DACH2: variants seen among roughly 807,000 people sequenced by gnomAD.
The protein encoded by DACH2 is dachshund family transcription factor 2.
DACH2 carries 17 observed loss-of-function variants against 35.8 expected under a neutral mutation model. The observed-to-expected ratio is 0.48, with a 90% CI of 0.33 to 0.71. DACH2 has a LOEUF of 0.71. Among genes scored for constraint, DACH2 ranks in the 30% least tolerant of loss-of-function variants. The probability of loss-of-function intolerance (pLI) is 0.02; values close to 1 mark genes in which losing one functional copy is unlikely to be tolerated. For synonymous variants in DACH2, 195 were observed against 177.3 expected, an observed-to-expected ratio of 1.10 and a Z score of -0.79; for missense variants, 469 against 472.7, an observed-to-expected ratio of 0.99 and a Z score of 0.07.
chrX:86,543,974 T>G (rs1195097682), intron 3 of DACH2, among the ~76,000 whole-genome samples: 1 of 110,326 alleles, frequency 9.1e-6, no homozygotes, highest in Admixed American at 9.7e-5. Flanking sequence ...ACCCTAAAAC[T>G]TAAAGTATAA....
chrX:86,656,464 C>G (rs915493608), intron 4 of DACH2, among the ~76,000 whole-genome samples: 6 of 110,522 alleles, frequency 5.4e-5, no homozygotes, highest in African/African-American at 2.0e-4. Flanking sequence ...TTGATCTTTC[C>G]ACCATAACAT....
At chrX:86,225,881 G>T (rs748747701) in intron 1 of DACH2, among the ~76,000 whole-genome samples, 3 of 111,552 alleles carry the variant, frequency 2.7e-5, no homozygotes, top group Non-Finnish European at 5.7e-5. Flanking sequence ...TGAATGCCAT[G>T]ATGGCCAAAT....
chrX:86,166,024 G>A (rs898249948), intron 1 of DACH2, among the ~76,000 whole-genome samples: 3 of 111,443 alleles, frequency 2.7e-5, no homozygotes, highest in Non-Finnish European at 3.8e-5. Context: ...GTGAGACATA[G>A]GAATCTAGTT....
At chrX:86,554,054 T>C (rs2039085776) in intron 3 of DACH2, among the ~76,000 whole-genome samples, 1 of 111,245 alleles carries the variant, frequency 9.0e-6, no homozygotes, top group Non-Finnish European at 1.9e-5. Context: ...TGTGTGTGTA[T>C]GGCATAATAT....
intron 1 of DACH2, among the ~76,000 whole-genome samples, chrX:86,336,021 C>T (rs2035302641): frequency 1.8e-5 from 2 of 111,808 alleles, no homozygotes; most frequent in South Asian, 7.4e-4. Flanking sequence ...TGGTTTTTGT[C>T]ATTGGTCCTG....
chrX:86,764,521 C>T (rs771131459), intron 7 of DACH2, among the ~76,000 whole-genome samples: 212 of 111,759 alleles, frequency 1.9e-3, no homozygotes, highest in African/African-American at 6.6e-3. Context: ...AGGATAATTG[C>T]TCCCAGCTCT....
chrX:86,554,180 T>C (rs1398552236), intron 3 of DACH2, among the ~76,000 whole-genome samples: 1 of 111,481 alleles, frequency 9.0e-6, no homozygotes, highest in Non-Finnish European at 1.9e-5. Flanking sequence ...TTTAGTTGGA[T>C]TTTGTATGGC....
intron 4 of DACH2, among the ~76,000 whole-genome samples, chrX:86,676,540 A>G (rs190534986): frequency 9.0e-4 from 101 of 112,008 alleles, no homozygotes; most frequent in African/African-American, 3.0e-3. Context: ...ATGTTCTTCC[A>G]TGCTGTCCAT....
At chrX:86,696,373 G>A (rs1162436521) in intron 5 of DACH2, among the ~76,000 whole-genome samples, 2 of 112,045 alleles carry the variant, frequency 1.8e-5, no homozygotes, top group East Asian at 5.6e-4. Context: ...AAAATGAAAT[G>A]TTAAGCAAAA....
chrX:86,390,573 T>C (rs1007613047), intron 2 of DACH2, among the ~76,000 whole-genome samples: 2 of 111,004 alleles, frequency 1.8e-5, no homozygotes, highest in Non-Finnish European at 3.8e-5. Context: ...ATCTAATCAG[T>C]TTTTCAATTA....
At position 86,815,795 on chromosome X, in the gene DACH2, TA is replaced by T. The variant is rs995357155; in HGVS notation, c.1685-231del. ...TTTCCTAAGATTTATTTTTAAAGAA[TA>T]AAAAAAATAGAGGTATTTACAATAT... On this transcript the variant is annotated intron_variant, in intron 10 of 11. Coordinates refer to ENST00000373125, the MANE Select transcript of DACH2 (RefSeq NM_053281.3). Among the ~76,000 whole-genome samples, 118 of 107,200 alleles carry T rather than the reference TA, an allele frequency of 1.1e-3. 2 individuals carry two copies. The highest frequency in any genetic ancestry group is 2.0e-3 in the South Asian group (5 of 2,507). The allele number at this position is 107,200 out of a possible 115,157, so 93.1% of individuals were successfully genotyped here. A position where few individuals can be genotyped will look rare whatever the true frequency, so the allele number is the denominator to read the frequency against.
chrX:86,705,063 A>ATATATCTCACATATATATATATATC (rs59432076), intron 5 of DACH2, among the ~76,000 whole-genome samples: 2,679 of 104,596 alleles, frequency 0.026, 95 homozygotes, highest in African/African-American at 0.091. Flanking sequence ...ATATATATAT[A>ATATATCTCACATATATATATATATC]TATCTCACAT....
intron 1 of DACH2, among the ~76,000 whole-genome samples, chrX:86,328,235 C>G (rs757415507): frequency 9.0e-6 from 1 of 111,471 alleles, no homozygotes; most frequent in Non-Finnish European, 1.9e-5. Context: ...GAACGAAAAT[C>G]TTAGTCTAGA....
At chrX:86,529,724 G>A (rs1053447847) in intron 3 of DACH2, among the ~76,000 whole-genome samples, 24 of 106,058 alleles carry the variant, frequency 2.3e-4, no homozygotes, top group African/African-American at 8.3e-4. Flanking sequence ...CACCTGCCCC[G>A]GCCTCCCAAA....
intron 1 of DACH2, among the ~76,000 whole-genome samples, chrX:86,238,154 C>A (rs954189390): frequency 8.9e-6 from 1 of 112,242 alleles, no homozygotes; most frequent in Non-Finnish European, 1.9e-5. Flanking sequence ...AATGATTTAA[C>A]CCTAATCACT....
chrX:86,495,134 G>A lies in DACH2; in HGVS notation c.528-19145G>A, dbSNP rs187760397. Among the ~76,000 whole-genome samples, 557 of 110,815 alleles carry A rather than the reference G, an allele frequency of 5.0e-3. 5 individuals carry two copies. Among genetic ancestry groups the A allele is most frequent in the African/African-American group, 0.017 (525 of 30,541 alleles). On this transcript the variant is annotated intron_variant, in intron 2 of 11. Transcript: ENST00000373125. ...GCAATCTTGGCTCACTGCACCCTCC[G>A]CCTCCCAGTTTCAAGTGATTCTCCT...
At chrX:86,563,451 G>T (rs938694110) in intron 3 of DACH2, among the ~76,000 whole-genome samples, 1 of 110,497 alleles carries the variant, frequency 9.1e-6, no homozygotes, top group South Asian at 3.7e-4. Flanking sequence ...GCTGTGTATA[G>T]ATCCAATAAT....
chrX:86,691,761 C>T (rs1249333478), intron 4 of DACH2, among the ~76,000 whole-genome samples: 1 of 111,620 alleles, frequency 9.0e-6, no homozygotes, highest in Admixed American at 9.6e-5. Context: ...AAACTAAATT[C>T]TTGTTGTTTA....
chrX:86,305,848 C>T (rs2034675711), intron 1 of DACH2, among the ~76,000 whole-genome samples: 1 of 111,445 alleles, frequency 9.0e-6, no homozygotes, highest in Non-Finnish European at 1.9e-5. Flanking sequence ...ACAAAATTTT[C>T]AACATCACTC....
Sources: gnomAD v4.1 joint callset for allele counts (sites outside exome capture counted in the v4.1 genomes callset) on GRCh38, gnomAD v4.1.1 for gene constraint, MANE v1.5 for transcripts, NCBI Gene and HGNC (gene_info 2026-07-23, HGNC 2026-07-21) for gene names.